The following MYO5B variants were observed in gnomAD, a reference collection of about 807,000 sequenced individuals.
MYO5B encodes myosin VB.
In MYO5B, 143 loss-of-function variants were observed where a neutral mutation model predicts 229.3. The observed-to-expected ratio is 0.62, with a 90% CI of 0.54 to 0.72. The LOEUF is 0.72. MYO5B is among the 30% of genes least tolerant of loss of function. The probability of loss-of-function intolerance (pLI) is 0.00; values close to 1 mark genes in which losing one functional copy is unlikely to be tolerated. For missense variants in MYO5B, 2,321 were observed against 2,331.0 expected, an observed-to-expected ratio of 1.00 and a Z score of 0.09; for synonymous variants, 918 against 885.2, an observed-to-expected ratio of 1.04 and a Z score of -0.66.
intron 1 of MYO5B, among the ~76,000 whole-genome samples, chr18:50,118,247 T>C (rs1270822193): frequency 4.6e-5 from 7 of 152,294 alleles, no homozygotes; most frequent in Non-Finnish European, 8.8e-5. Context: ...ACTAGGATGG[T>C]TGGTCACCAT....
At chr18:50,189,918 A>G (rs2033204574) in intron 1 of MYO5B, among the ~76,000 whole-genome samples, 1 of 152,146 alleles carries the variant, frequency 6.6e-6, no homozygotes, top group Non-Finnish European at 1.5e-5. Context: ...GCCCTTAGTA[A>G]AGGCTCCTGG....
chr18:50,129,596 C>A (rs2144544776), intron 1 of MYO5B, among the ~76,000 whole-genome samples: 1 of 152,338 alleles, frequency 6.6e-6, no homozygotes, highest in East Asian at 1.9e-4. Flanking sequence ...GTAGTAACTT[C>A]TTTAATTCCC....
chr18:49,942,293 T>G (rs372859897), intron 14 of MYO5B, among the ~76,000 whole-genome samples: 1 of 136,160 alleles, frequency 7.3e-6, no homozygotes, highest in Admixed American at 7.9e-5. Flanking sequence ...ACTTCATGTC[T>G]AAAACACCAA....
chr18:49,944,390 G>T (rs2025348261), intron 14 of MYO5B, among the ~76,000 whole-genome samples: 1 of 152,036 alleles, frequency 6.6e-6, no homozygotes, highest in Non-Finnish European at 1.5e-5. Flanking sequence ...CCTGGCTACA[G>T]CATAAGGAAG....
chr18:49,855,206 G>A (rs2024246658), intron 30 of MYO5B, among the ~76,000 whole-genome samples: 1 of 152,214 alleles, frequency 6.6e-6, no homozygotes, highest in African/African-American at 2.4e-5. Flanking sequence ...TTTCTCTCCT[G>A]CCTTGTGCAG....
At chr18:49,918,846 C>T (rs1441556002) in intron 17 of MYO5B, among the ~76,000 whole-genome samples, 2 of 152,176 alleles carry the variant, frequency 1.3e-5, no homozygotes, top group Non-Finnish European at 2.9e-5. Context: ...ATTCTGGATA[C>T]AAGAGTTTCC....
chr18:50,081,108 T>C (rs191610141), intron 1 of MYO5B, among the ~76,000 whole-genome samples: 49 of 152,326 alleles, frequency 3.2e-4, no homozygotes, highest in African/African-American at 1.2e-3. Flanking sequence ...TGCTCTGTTT[T>C]CTCAGGTGAC....
At chr18:49,933,471 AAATG>A (rs1387359474) in intron 16 of MYO5B, among the ~76,000 whole-genome samples, 1 of 152,230 alleles carries the variant, frequency 6.6e-6, no homozygotes, top group Non-Finnish European at 1.5e-5. Context: ...GATGTTTCTT[AAATG>A]AAGAAAGCAG....
At chr18:49,913,435 G>A (rs897918015) in intron 17 of MYO5B, among the ~76,000 whole-genome samples, 34 of 152,056 alleles carry the variant, frequency 2.2e-4, no homozygotes, top group African/African-American at 7.7e-4. Context: ...CTACTCTAAG[G>A]AGACTTTGAA....
chr18:50,011,793 C>T (rs2026163262), intron 4 of MYO5B, among the ~76,000 whole-genome samples: 1 of 152,050 alleles, frequency 6.6e-6, no homozygotes. Context: ...CTCACTGCTG[C>T]TGGAAACATA....
chr18:49,862,307 C>A (rs188680340), intron 29 of MYO5B, among the ~76,000 whole-genome samples: 4 of 152,210 alleles, frequency 2.6e-5, no homozygotes, highest in Non-Finnish European at 5.9e-5. Flanking sequence ...CAGACAGCTC[C>A]GTTTTTATAG....
intron 2 of MYO5B, among the ~76,000 whole-genome samples, chr18:50,049,452 C>T (rs1165996122): frequency 6.6e-6 from 1 of 152,192 alleles, no homozygotes; most frequent in African/African-American, 2.4e-5. Context: ...CTTTTGACTT[C>T]AATTTATTCC....
chr18:49,913,176 C>T (rs2024976450), intron 17 of MYO5B, among the ~76,000 whole-genome samples: 1 of 152,170 alleles, frequency 6.6e-6, no homozygotes, highest in Non-Finnish European at 1.5e-5. Context: ...CTGTTTTGGT[C>T]TGTGTGGGAG....
chr18:50,104,058 G>A (rs1337760899), intron 1 of MYO5B, among the ~76,000 whole-genome samples: 2 of 149,320 alleles, frequency 1.3e-5, no homozygotes, highest in Non-Finnish European at 3.0e-5. Flanking sequence ...TAGCTACTCA[G>A]GAGGCTGAGG....
In MYO5B at chr18:49,859,896, C is replaced by T. The variant is rs1314062879; in HGVS notation, c.3945-3006G>A. ...CGAGGCTCAAGGTCAAATGAGCCAA[C>T]AGCTCCGAGCAAATCTTGAGACTGC... On this transcript the variant is annotated intron_variant, in intron 29 of 39. Coordinates refer to ENST00000285039, the MANE Select transcript of MYO5B (RefSeq NM_001080467.3). Among the ~76,000 whole-genome samples, 7 of 152,336 alleles carry T rather than the reference C, an allele frequency of 4.6e-5. No homozygotes were observed. In the East Asian group the frequency reaches 1.3e-3, roughly 29 times the overall value.
chr18:49,893,229 G>C (rs1261101439), intron 22 of MYO5B, among the ~76,000 whole-genome samples: 6 of 152,182 alleles, frequency 3.9e-5, no homozygotes, highest in Non-Finnish European at 7.3e-5. Context: ...TGATTTTGTG[G>C]ATCTGCTGGG....
chr18:50,067,109 T>C (rs536872181), intron 1 of MYO5B, among the ~76,000 whole-genome samples: 6 of 152,198 alleles, frequency 3.9e-5, no homozygotes, highest in African/African-American at 1.4e-4. Context: ...AGAGATGAGA[T>C]TGCGTGAAAT....
At chr18:50,054,090 C>T (rs2030477575) in intron 2 of MYO5B, among the ~76,000 whole-genome samples, 1 of 152,244 alleles carries the variant, frequency 6.6e-6, no homozygotes, top group African/African-American at 2.4e-5. Context: ...CCGACAGCTC[C>T]CAGATGCACT....
intron 28 of MYO5B, 42 bp downstream of exon 28, chr18:49,864,099 G>T (rs1267406247): frequency 5.0e-6 from 8 of 1,600,278 alleles, no homozygotes; most frequent in Non-Finnish European, 6.8e-6. Flanking sequence ...ACCACCTAGG[G>T]TCACCCCTCG....
Sources: gnomAD v4.1 joint callset for allele counts (sites outside exome capture counted in the v4.1 genomes callset) on GRCh38, gnomAD v4.1.1 for gene constraint, MANE v1.5 for transcripts, NCBI Gene and HGNC (gene_info 2026-07-23, HGNC 2026-07-21) for gene names.